The following NKAIN3 variants were observed in gnomAD, a reference collection of about 807,000 sequenced individuals.
NKAIN3 encodes the protein sodium/potassium transporting ATPase interacting 3.
Under a neutral mutation model 30.2 loss-of-function variants are expected in NKAIN3, and 25 were observed. The ratio of observed to expected loss-of-function variants is 0.83; its 90% CI spans 0.60 to 1.16. The LOEUF (loss-of-function observed/expected upper bound fraction) is 1.16. Among genes scored for constraint, NKAIN3 ranks in the 50% most tolerant of loss-of-function variants. NKAIN3 has a pLI of 0.00. For missense variants in NKAIN3, 225 were observed against 254.1 expected, an observed-to-expected ratio of 0.89 and a Z score of 0.78; for synonymous variants, 91 against 89.6, an observed-to-expected ratio of 1.02 and a Z score of -0.09.
At chr8:62,340,966 T>C (rs1205014066) in intron 1 of NKAIN3, among the ~76,000 whole-genome samples, 1 of 152,076 alleles carries the variant, frequency 6.6e-6, no homozygotes, top group Non-Finnish European at 1.5e-5. Context: ...CACCGATTAA[T>C]AGTTGTATTT....
chr8:62,875,282 C>G (rs1586298552), intron 4 of NKAIN3, among the ~76,000 whole-genome samples: 1 of 152,156 alleles, frequency 6.6e-6, no homozygotes, highest in East Asian at 1.9e-4. Flanking sequence ...GGTGAAGGAC[C>G]TCTTCAAGGA....
chr8:62,576,868 C>T (rs1415094266), intron 1 of NKAIN3, among the ~76,000 whole-genome samples: 1 of 152,046 alleles, frequency 6.6e-6, no homozygotes, highest in Admixed American at 6.6e-5. Flanking sequence ...ATAATTTCAT[C>T]TTATTTGGGG....
intron 5 of NKAIN3, among the ~76,000 whole-genome samples, chr8:62,929,815 G>T (rs998329502): frequency 2.0e-5 from 3 of 152,040 alleles, no homozygotes; most frequent in Non-Finnish European, 4.4e-5. Flanking sequence ...ACACAAATTT[G>T]TAAACTTTCT....
At chr8:62,588,586 C>A (rs1810553650) in intron 2 of NKAIN3, among the ~76,000 whole-genome samples, 1 of 151,640 alleles carries the variant, frequency 6.6e-6, no homozygotes, top group Non-Finnish European at 1.5e-5. Context: ...GATAAAGTTT[C>A]TATTAGTAAC....
intron 1 of NKAIN3, among the ~76,000 whole-genome samples, chr8:62,319,657 A>C (rs186114912): frequency 1.4e-3 from 210 of 152,266 alleles, no homozygotes; most frequent in African/African-American, 4.8e-3. Context: ...TGAGTTTCTG[A>C]ATCCTGAGTT....
At chr8:62,354,003 C>T (rs1816268346) in intron 1 of NKAIN3, among the ~76,000 whole-genome samples, 2 of 152,088 alleles carry the variant, frequency 1.3e-5, no homozygotes, top group Non-Finnish European at 2.9e-5. Flanking sequence ...GATTATAGCT[C>T]AATCTGAGAT....
chr8:62,592,883 C>T (rs903393878), intron 3 of NKAIN3, among the ~76,000 whole-genome samples: 3 of 151,740 alleles, frequency 2.0e-5, no homozygotes, highest in Non-Finnish European at 4.4e-5. Flanking sequence ...ATAACAGGAT[C>T]AATGTATTAA....
At chr8:62,321,306 A>G (rs1814892369) in intron 1 of NKAIN3, among the ~76,000 whole-genome samples, 1 of 152,024 alleles carries the variant, frequency 6.6e-6, no homozygotes. Context: ...GAGAAGTTTG[A>G]TCATCTGAAG....
rs1815646602 is a variant in NKAIN3, at chr8:62,735,854, C to G, written c.274-11078C>G. Among the ~76,000 whole-genome samples the G allele has an allele frequency of 2.6e-5, 4 of 152,120 alleles. No individual in the cohort carries two copies. In the South Asian group the frequency reaches 8.3e-4, roughly 31 times the overall value. On this transcript the variant is annotated intron_variant, in intron 3 of 6. Transcript: ENST00000623646. Reference sequence around the variant, plus strand: ...TGACTCCTTCATGTGGTGCTCTCCCCCCTTTCCCTAGGAATGGGACTTCCT... The same window carrying G: ...TGACTCCTTCATGTGGTGCTCTCCCGCCTTTCCCTAGGAATGGGACTTCCT...
At chr8:62,660,770 T>C (rs1483679503) in intron 3 of NKAIN3, among the ~76,000 whole-genome samples, 1 of 152,206 alleles carries the variant, frequency 6.6e-6, no homozygotes, top group Non-Finnish European at 1.5e-5. Flanking sequence ...TAAAACACAC[T>C]GAGAAACCAT....
At chr8:62,273,529 C>A (rs1256675360) in intron 1 of NKAIN3, among the ~76,000 whole-genome samples, 2 of 152,168 alleles carry the variant, frequency 1.3e-5, no homozygotes, top group Non-Finnish European at 2.9e-5. Context: ...ATTCTTCTAT[C>A]ATGCAGCAGA....
chr8:62,985,917 A>G (rs1181381594), downstream of NKAIN3, among the ~76,000 whole-genome samples: 4 of 152,230 alleles, frequency 2.6e-5, no homozygotes, highest in African/African-American at 7.2e-5. Context: ...ACAACATAAA[A>G]ATTCATACTT....
At chr8:62,355,710 T>C (rs1816328548) in intron 1 of NKAIN3, among the ~76,000 whole-genome samples, 1 of 152,190 alleles carries the variant, frequency 6.6e-6, no homozygotes. Context: ...GTGAAATTGC[T>C]CTTTCTCCCG....
chr8:62,787,530 A>T (rs1042003402), intron 4 of NKAIN3, among the ~76,000 whole-genome samples: 14 of 152,150 alleles, frequency 9.2e-5, no homozygotes, highest in African/African-American at 3.4e-4. Flanking sequence ...CTCTTTTTTT[A>T]AAATTATTAT....
At chr8:62,370,239 A>G (rs142088129) in intron 1 of NKAIN3, among the ~76,000 whole-genome samples, 2 of 152,188 alleles carry the variant, frequency 1.3e-5, no homozygotes, top group South Asian at 2.1e-4. Flanking sequence ...ACTTAAAAAA[A>G]TGTATAATTT....
In NKAIN3 at chr8:62,463,070, A is replaced by C. The variant is rs145194452; in HGVS notation, c.55-116469A>C. Among the ~76,000 whole-genome samples, 59 of 152,290 alleles carry C rather than the reference A, an allele frequency of 3.9e-4. No homozygotes were observed. The East Asian group carries it at 5.2e-3, about 13-fold the overall frequency. On this transcript the variant is annotated intron_variant, in intron 1 of 6. Coordinates refer to ENST00000623646, the MANE Select transcript of NKAIN3 (RefSeq NM_001304533.3). The stretch of plus-strand genomic sequence containing the variant: ...GCACTTCTCATCTTCTATCTTTATG[A>C]ACTTATTTGTTCTACCTTTTTGTCT...
intron 1 of NKAIN3, among the ~76,000 whole-genome samples, chr8:62,261,360 A>G (rs998160486): frequency 1.3e-5 from 2 of 152,140 alleles, no homozygotes; most frequent in African/African-American, 4.8e-5. Flanking sequence ...ATTTGTTGGT[A>G]ACTGATCTGT....
intron 1 of NKAIN3, among the ~76,000 whole-genome samples, chr8:62,347,018 C>A (rs1467530353): frequency 1.3e-5 from 2 of 152,076 alleles, no homozygotes; most frequent in Non-Finnish European, 2.9e-5. Flanking sequence ...GGTTTGGTGG[C>A]ATACATGTCT....
At chr8:62,897,030 C>A (rs115699050) in intron 4 of NKAIN3, among the ~76,000 whole-genome samples, 180 of 80,484 alleles carry the variant, frequency 2.2e-3, no homozygotes, top group African/African-American at 8.4e-3. Context: ...TAAGGGAGAA[C>A]TACACATTTT....
Sources: allele counts gnomAD v4.1 joint callset (sites outside exome capture counted in the v4.1 genomes callset), GRCh38; gene constraint gnomAD v4.1.1; transcripts MANE v1.5; gene names NCBI Gene and HGNC (gene_info 2026-07-23, HGNC 2026-07-21).